TBC1D16: variants seen among roughly 807,000 people sequenced by gnomAD.
TBC1D16 encodes the protein CTD-2529O21.1.
Under a neutral mutation model 74.7 loss-of-function variants are expected in TBC1D16, and 58 were observed. The ratio of observed to expected loss-of-function variants is 0.78; its 90% CI spans 0.63 to 0.97. The LOEUF is 0.97. Among genes scored for constraint, TBC1D16 ranks in the 50% least tolerant of loss-of-function variants. The probability of loss-of-function intolerance (pLI) is 0.00; values close to 1 mark genes in which losing one functional copy is unlikely to be tolerated. For synonymous variants in TBC1D16, 493 were observed against 474.7 expected (o/e 1.04, Z -0.50); for missense variants, 1,014 against 1,079.5 (o/e 0.94, Z 0.85).
intron 1 of TBC1D16, among the ~76,000 whole-genome samples, chr17:80,031,466 G>A (rs1433035144): frequency 6.6e-6 from 1 of 152,172 alleles, no homozygotes; most frequent in East Asian, 1.9e-4. Flanking sequence ...CATAGGGAAA[G>A]AGGACCCCTG....
chr17:80,010,173 C>G lies in TBC1D16; in HGVS notation c.766G>C (p.Glu256Gln). Residue 256 changes from glutamate (E) to glutamine (Q), a missense_variant, in exon 3 of 12, where the codon GAA (glutamate) becomes CAA (glutamine). Coordinates refer to ENST00000310924, the MANE Select transcript of TBC1D16 (RefSeq NM_019020.4). This position sits in a 1 kb window ranked among gnomAD's most constrained non-coding sequence, Gnocchi z 8.8. ...LAESRGSVFLESDSSPPSSSD... is the reference protein window; with the variant it reads ...LAESRGSVFLQSDSSPPSSSD... ...CCAGGAACTCACCTGCTGTCACTTT[C>G]CAGAAACACGGAGCCGCGGCTCTCG... The G allele has an allele frequency of 6.2e-7, 1 of 1,610,244 alleles. No individual in the cohort carries two copies. The highest frequency in any genetic ancestry group is 8.5e-7 in the Non-Finnish European group (1 of 1,178,174).
intron 10 of TBC1D16, 70 bp from the exon 11 acceptor site, chr17:79,942,276 G>A: frequency 1.3e-6 from 2 of 1,491,638 alleles, no homozygotes; most frequent in Non-Finnish European, 1.8e-6. Context: ...GGGGGAAACT[G>A]AGTGCCAGGG....
At position 79,969,972 on chromosome 17, in the gene TBC1D16, C is replaced by G. The variant is rs1400818667; in HGVS notation, c.780-17154G>C. On this transcript the variant is annotated intron_variant, in intron 3 of 11. Coordinates refer to ENST00000310924, the MANE Select transcript of TBC1D16 (RefSeq NM_019020.4). ...AAAGAAAAGAAAAGAAAATAGATGTCTATATAAAAACATGTACACACATGT... is the reference window on the plus strand; with the variant it reads ...AAAGAAAAGAAAAGAAAATAGATGTGTATATAAAAACATGTACACACATGT... Among the ~76,000 whole-genome samples, 4 of 151,886 alleles carry G rather than the reference C, an allele frequency of 2.6e-5. No individual in the cohort carries two copies. The East Asian group carries it at 7.7e-4, about 29-fold the overall frequency.
rs118109202 is a variant in TBC1D16, at chr17:79,959,764, G to A, written c.780-6946C>T. On this transcript the variant is annotated intron_variant, in intron 3 of 11. Coordinates refer to ENST00000310924, the MANE Select transcript of TBC1D16 (RefSeq NM_019020.4). ...TGAAACCTTAACTAGGAAACTTCCA[G>A]AAGAATCCGTAAGAGAAAACCTGTG... 2.2e-3 allele frequency among the ~76,000 whole-genome samples: 338 copies of A among 152,284 alleles called. 1 individual carries two copies. Among genetic ancestry groups the A allele is most frequent in the Non-Finnish European group, 3.4e-3 (228 of 68,026 alleles).
At chr17:79,998,328 G>GTT (rs1399250029) in intron 3 of TBC1D16, among the ~76,000 whole-genome samples, 1 of 150,536 alleles carries the variant, frequency 6.6e-6, no homozygotes, top group African/African-American at 2.4e-5. Context: ...TTTCAGACTG[G>GTT]TGTTTTTTGT....
In TBC1D16 at chr17:79,940,109, G is replaced by A. The variant is rs1448622473; in HGVS notation, c.*750C>T. 6.6e-6 allele frequency: 1 copy of A among 152,120 alleles called. No individual in the cohort carries two copies. Among genetic ancestry groups the A allele is most frequent in the Admixed American group, 6.6e-5 (1 of 15,262 alleles). The allele number at this position is 152,120 out of a possible 1,614,324, so 9.4% of individuals were successfully genotyped here. The stretch of plus-strand genomic sequence containing the variant: ...GTAGAAGACCCCCAGCAAAGAAAAA[G>A]GCATCAGATGCTTCTCCAACAGCCT... On this transcript the variant is annotated 3_prime_UTR_variant, in exon 12 of 12. Transcript: ENST00000310924. The surrounding 1 kb of genome is among the most constrained non-coding windows in gnomAD (Gnocchi z 5.4).
intron 2 of TBC1D16, among the ~76,000 whole-genome samples, chr17:80,011,428 C>T: frequency 6.6e-6 from 1 of 152,142 alleles, no homozygotes; most frequent in East Asian, 1.9e-4. Flanking sequence ...CACCTGCCTG[C>T]AGCCTCCCTG....
chr17:80,013,598 G>A lies in TBC1D16; in HGVS notation c.-51C>T, dbSNP rs1412092985. On this transcript the variant is annotated 5_prime_UTR_variant, in exon 2 of 12. The change creates a new upstream start codon in the 5' untranslated region. Transcript: ENST00000310924. ...GCATGCGTCGGCCCGGGCAGGGCTC[G>A]TCAAGACCTGCCTGGGGGAGGAAGA... 2.2e-5 allele frequency: 32 copies of A among 1,444,554 alleles called. No individual in the cohort carries two copies. The highest frequency in any genetic ancestry group is 8.8e-5 in the South Asian group (6 of 68,326). The allele number at this position is 1,444,554 out of a possible 1,614,324, so 89.5% of individuals were successfully genotyped here. A position where few individuals can be genotyped will look rare whatever the true frequency, so the allele number is the denominator to read the frequency against.
In TBC1D16 at chr17:79,934,590, T is replaced by G. The variant is rs2031466304; in HGVS notation, c.*6269A>C. ...CGGAGCCACCAGCCATGCCTGGTAG[T>G]GGGTGCCCTCCCTAGGCAGGCAGTG... On this transcript the variant is annotated 3_prime_UTR_variant, in exon 12 of 12. Transcript: ENST00000310924. The G allele has an allele frequency of 1.3e-5, 2 of 152,240 alleles. No homozygotes were observed. The highest frequency in any genetic ancestry group is 1.3e-4 in the Admixed American group (2 of 15,286). The allele number at this position is 152,240 out of a possible 1,614,324, so 9.4% of individuals were successfully genotyped here.
intron 1 of TBC1D16, among the ~76,000 whole-genome samples, chr17:80,017,459 A>C (rs1183460281): frequency 1.3e-5 from 2 of 152,108 alleles, no homozygotes; most frequent in African/African-American, 4.8e-5. Flanking sequence ...AGGTGGGCGG[A>C]TCACCTGAGG....
At chr17:79,955,734 A>G (rs2033304168) in intron 3 of TBC1D16, among the ~76,000 whole-genome samples, 1 of 152,250 alleles carries the variant, frequency 6.6e-6, no homozygotes, top group African/African-American at 2.4e-5. Context: ...CTTCATTTCT[A>G]TCATTTTCTG....
At chr17:79,947,953 C>CA in intron 8 of TBC1D16, 122 bp from the exon 9 acceptor site, 5 of 759,354 alleles carry the variant, frequency 6.6e-6, no homozygotes, top group South Asian at 1.8e-5. Context: ...CAGTGGAAGG[C>CA]AGCTGTGCCA....
rs143185670 is a variant in TBC1D16 at position 79,951,436 on chromosome 17, G to A, written c.1089+14C>T. ...GTCAACCGCTGGGCATTCTGGGGCC[G>A]TCTGCTGGGCTACCTGGTCTTTGAG... On this transcript the variant is annotated intron_variant, in intron 5 of 11. Transcript: ENST00000310924. 5.5e-4 allele frequency: 887 copies of A among 1,610,860 alleles called. 6 individuals are homozygous for A. The African/African-American group carries it at 0.01, about 19-fold the overall frequency.
At chr17:80,029,015 G>A (rs565519142) in intron 1 of TBC1D16, among the ~76,000 whole-genome samples, 8 of 152,178 alleles carry the variant, frequency 5.3e-5, no homozygotes, top group African/African-American at 1.7e-4. Flanking sequence ...AGAACAACTT[G>A]GCCATTCCTC....
chr17:80,013,575 A>G lies in TBC1D16; in HGVS notation c.-28T>C, dbSNP rs991293842. On this transcript the variant is annotated 5_prime_UTR_variant, in exon 2 of 12. It removes an upstream start codon present in the reference 5' UTR. Transcript: ENST00000310924. ...CCGGGCAAGTGTTTCCATCCTCCGC[A>G]TGCGTCGGCCCGGGCAGGGCTCGTC... 1.9e-5 allele frequency: 28 copies of G among 1,468,350 alleles called. No homozygotes were observed. Among genetic ancestry groups the G allele is most frequent in the Admixed American group, 2.5e-5 (1 of 39,266 alleles). 91.0% of individuals were successfully genotyped at this position (1,468,350 alleles called of 1,614,324 possible). A position where few individuals can be genotyped will look rare whatever the true frequency, so the allele number is the denominator to read the frequency against.
In TBC1D16 at chr17:79,938,287, T is replaced by A. The variant is rs1299352115; in HGVS notation, c.*2572A>T. Reference sequence around the variant, plus strand: ...CCGAGGTCCTGGCTGGTCCGAGAGGTGCAGACCTCACTGGGGTCCGGGCCA... The same window carrying A: ...CCGAGGTCCTGGCTGGTCCGAGAGGAGCAGACCTCACTGGGGTCCGGGCCA... On this transcript the variant is annotated 3_prime_UTR_variant, in exon 12 of 12. Coordinates refer to ENST00000310924, the MANE Select transcript of TBC1D16 (RefSeq NM_019020.4). 6.6e-6 allele frequency: 1 copy of A among 152,224 alleles called. No individual in the cohort carries two copies. The highest frequency in any genetic ancestry group is 2.4e-5 in the African/African-American group (1 of 41,408). 9.4% of individuals were successfully genotyped at this position (152,224 alleles called of 1,614,324 possible). A position where few individuals can be genotyped will look rare whatever the true frequency, so the allele number is the denominator to read the frequency against.
chr17:79,945,502 C>T (rs2032452291), intron 9 of TBC1D16, among the ~76,000 whole-genome samples: 1 of 152,196 alleles, frequency 6.6e-6, no homozygotes, highest in Admixed American at 6.5e-5. Flanking sequence ...CTACGCTCAC[C>T]CAGATCTATC....
At position 79,941,355 on chromosome 17, in the gene TBC1D16, T is replaced by G. The variant is rs1434508699; in HGVS notation, c.2056-248A>C. ...GGCTGTGCTCACAGGTGGCTCGAGG[T>G]GAACAAGGCCCTTGAATGGGCTTCA... On this transcript the variant is annotated intron_variant, in intron 11 of 11. Coordinates refer to ENST00000310924, the MANE Select transcript of TBC1D16 (RefSeq NM_019020.4). This position sits in a 1 kb window ranked among gnomAD's most constrained non-coding sequence, Gnocchi z 4.3. Among the ~76,000 whole-genome samples the G allele has an allele frequency of 6.6e-6, 1 of 152,076 alleles. No homozygotes were observed. The highest frequency in any genetic ancestry group is 1.5e-5 in the Non-Finnish European group (1 of 67,996).
chr17:79,984,455 G>A (rs55714027), intron 3 of TBC1D16, among the ~76,000 whole-genome samples: 42,739 of 151,876 alleles, frequency 0.28, 6,197 homozygotes, highest in East Asian at 0.35. Flanking sequence ...AAAGTTAACG[G>A]TGGTGAGCTG....
Sources: allele counts gnomAD v4.1 joint callset (sites outside exome capture counted in the v4.1 genomes callset), GRCh38; gene constraint gnomAD v4.1.1; non-coding constraint Gnocchi (gnomAD v3.1); transcripts MANE v1.5; gene names NCBI Gene and HGNC (gene_info 2026-07-23, HGNC 2026-07-21).